Variants in ZNF804B observed in about 807,000 individuals in gnomAD.
The protein encoded by ZNF804B is zinc finger protein 804B, also known as zinc finger 804B.
ZNF804B carries 80 observed loss-of-function variants against 101.4 expected under a neutral mutation model. The observed-to-expected ratio is 0.79, with a 90% confidence interval of 0.66 to 0.95. ZNF804B has a LOEUF of 0.95. Among genes scored for constraint, ZNF804B ranks in the 40% least tolerant of loss-of-function variants. The pLI, the probability that ZNF804B is intolerant of heterozygous loss-of-function variation, is 0.00. For missense variants in ZNF804B, 1,673 were observed against 1,561.9 expected (o/e 1.07, Z -1.20); for synonymous variants, 622 against 558.8 (o/e 1.11, Z -1.59).
chr7:89,192,243 T>C (rs1788467197), intron 1 of ZNF804B, among the ~76,000 whole-genome samples: 3 of 152,192 alleles, frequency 2.0e-5, no homozygotes, highest in African/African-American at 7.2e-5. Flanking sequence ...AGTTATCTAA[T>C]GCCTTTTTAA....
chr7:88,920,775 C>A (rs1792707946), intron 1 of ZNF804B, among the ~76,000 whole-genome samples: 1 of 151,852 alleles, frequency 6.6e-6, no homozygotes, highest in Non-Finnish European at 1.5e-5. Context: ...TTAATTAATT[C>A]ATCCATGCAT....
Position 88,794,701 on chromosome 7 carries a change from A to G in ZNF804B, c.108+34617A>G, listed in dbSNP as rs770985114. On this transcript the variant is annotated intron_variant, in intron 1 of 3. Transcript: ENST00000333190. Reference sequence around the variant, plus strand: ...CAGCAATCCTGTCACTGCTTCTCCTAGGTGATGTTTCAAAACTGACTGAAA... The same window carrying G: ...CAGCAATCCTGTCACTGCTTCTCCTGGGTGATGTTTCAAAACTGACTGAAA... 7.4e-6 allele frequency: 12 copies of G among 1,613,596 alleles called. No individual in the cohort carries two copies. The African/African-American group carries it at 1.5e-4, about 20-fold the overall frequency.
intron 1 of ZNF804B, among the ~76,000 whole-genome samples, chr7:88,910,547 G>A (rs1792533663): frequency 6.6e-6 from 1 of 151,770 alleles, no homozygotes; most frequent in African/African-American, 2.4e-5. Flanking sequence ...ATTCTCTAGA[G>A]GGCCCCATTC....
chr7:89,318,671 G>T (rs1790766445), intron 2 of ZNF804B, among the ~76,000 whole-genome samples: 1 of 152,170 alleles, frequency 6.6e-6, no homozygotes, highest in Admixed American at 6.5e-5. Flanking sequence ...ACTGAGGCAG[G>T]AGAATTGCTT....
At chr7:88,925,589 C>T (rs960845987) in intron 1 of ZNF804B, among the ~76,000 whole-genome samples, 2 of 152,148 alleles carry the variant, frequency 1.3e-5, no homozygotes, top group South Asian at 4.2e-4. Context: ...AGAAGATAAA[C>T]CTGTTGACAG....
intron 1 of ZNF804B, among the ~76,000 whole-genome samples, chr7:89,094,479 A>G (rs1040063333): frequency 9.2e-5 from 14 of 152,138 alleles, no homozygotes; most frequent in African/African-American, 3.1e-4. Flanking sequence ...TGTTTGAGTC[A>G]TATGAAATTG....
intron 1 of ZNF804B, among the ~76,000 whole-genome samples, chr7:89,063,874 A>T (rs773280109): frequency 3.3e-5 from 5 of 152,180 alleles, no homozygotes; most frequent in Non-Finnish European, 7.4e-5. Flanking sequence ...TGTTGGTTAC[A>T]GCCAGTGGAG....
intron 1 of ZNF804B, among the ~76,000 whole-genome samples, chr7:88,779,323 A>T (rs1790190468): frequency 6.6e-6 from 1 of 152,180 alleles, no homozygotes; most frequent in Non-Finnish European, 1.5e-5. Flanking sequence ...AAATTATTGA[A>T]CCAATGTCAA....
At chr7:88,908,301 C>G (rs1410162447) in intron 1 of ZNF804B, among the ~76,000 whole-genome samples, 1 of 150,694 alleles carries the variant, frequency 6.6e-6, no homozygotes, top group Non-Finnish European at 1.5e-5. Context: ...GTGTTATACT[C>G]TGGTTGTTTT....
chr7:88,766,395 C>T (rs1391020270), intron 1 of ZNF804B, among the ~76,000 whole-genome samples: 1 of 152,150 alleles, frequency 6.6e-6, no homozygotes, highest in African/African-American at 2.4e-5. Context: ...CCTGAGATGA[C>T]ACTCAGATAA....
intron 1 of ZNF804B, among the ~76,000 whole-genome samples, chr7:89,186,290 T>TA (rs931513490): frequency 6.6e-6 from 1 of 152,072 alleles, no homozygotes; most frequent in Non-Finnish European, 1.5e-5. Flanking sequence ...CTATTCTATC[T>TA]AAAAAAATAA....
chr7:88,874,233 T>C (rs1432336798), intron 1 of ZNF804B, among the ~76,000 whole-genome samples: 2 of 152,280 alleles, frequency 1.3e-5, no homozygotes, highest in African/African-American at 2.4e-5. Flanking sequence ...TTTGAAGCAA[T>C]TGTGAATGGG....
At chr7:89,273,855 T>C (rs1163724320) in intron 2 of ZNF804B, among the ~76,000 whole-genome samples, 1 of 152,164 alleles carries the variant, frequency 6.6e-6, no homozygotes, top group East Asian at 1.9e-4. Flanking sequence ...TAAATAACGA[T>C]AAAATGAGTT....
chr7:88,799,294 C>T (rs1379683256), intron 1 of ZNF804B, among the ~76,000 whole-genome samples: 1 of 151,948 alleles, frequency 6.6e-6, no homozygotes, highest in Non-Finnish European at 1.5e-5. Flanking sequence ...CATACAGTAA[C>T]TAAGCTACTT....
chr7:89,156,079 T>TC (rs202089027), intron 1 of ZNF804B, among the ~76,000 whole-genome samples: 48 of 103,074 alleles, frequency 4.7e-4, no homozygotes, highest in East Asian at 1.8e-3. Context: ...TTTCTCTCTT[T>TC]CTCTCTTTCC....
At chr7:89,222,868 T>C (rs1379593588) in intron 2 of ZNF804B, among the ~76,000 whole-genome samples, 3 of 151,928 alleles carry the variant, frequency 2.0e-5, no homozygotes, top group African/African-American at 4.8e-5. Flanking sequence ...TTAAAAAACA[T>C]TGGAATAATT....
chr7:89,243,501 G>T (rs1263335358), intron 2 of ZNF804B, among the ~76,000 whole-genome samples: 1 of 151,714 alleles, frequency 6.6e-6, no homozygotes, highest in East Asian at 1.9e-4. Context: ...TATTGCATGG[G>T]ATATACTTAT....
chr7:89,037,230 C>T (rs1177746492), intron 1 of ZNF804B, among the ~76,000 whole-genome samples: 2 of 151,862 alleles, frequency 1.3e-5, no homozygotes, highest in African/African-American at 4.8e-5. Context: ...CTTGCAATAC[C>T]AATAGAAAAT....
At chr7:89,212,730 C>A (rs1788824313) in intron 1 of ZNF804B, among the ~76,000 whole-genome samples, 1 of 152,054 alleles carries the variant, frequency 6.6e-6, no homozygotes, top group Non-Finnish European at 1.5e-5. Flanking sequence ...TAGGAGACAC[C>A]TTTACAAGTA....
Sources: gnomAD v4.1 joint callset for allele counts (sites outside exome capture counted in the v4.1 genomes callset) on GRCh38, gnomAD v4.1.1 for gene constraint, MANE v1.5 for transcripts, NCBI Gene and HGNC (gene_info 2026-07-23, HGNC 2026-07-21) for gene names.